Variants in TTC27 observed in about 807,000 individuals in gnomAD.
TTC27 encodes the protein tetratricopeptide repeat domain 27.
A neutral mutation model predicts 115.9 loss-of-function variants in TTC27; 79 were observed. The ratio of observed to expected loss-of-function variants is 0.68; its 90% confidence interval spans 0.57 to 0.82. TTC27 has a LOEUF of 0.82. Ranked by LOEUF, TTC27 falls within the 40% of genes least tolerant of loss-of-function variation. The probability of loss-of-function intolerance (pLI) is 0.00; values close to 1 mark genes in which losing one functional copy is unlikely to be tolerated. For missense variants in TTC27, 1,054 were observed against 993.1 expected, an observed-to-expected ratio of 1.06 and a Z score of -0.82; for synonymous variants, 401 against 356.0, an observed-to-expected ratio of 1.13 and a Z score of -1.42.
In TTC27 at chr2:32,714,189, C is replaced by T. The variant is rs1295226409; in HGVS notation, c.1233+11269C>T. Among the ~76,000 whole-genome samples the T allele has an allele frequency of 1.2e-4, 17 of 140,738 alleles. No homozygotes were observed. The South Asian group carries it at 2.9e-3, about 24-fold the overall frequency. 92.3% of individuals were successfully genotyped at this position (140,738 alleles called of 152,430 possible). ...TTTTTTTTTTTTTGAGATGGAGTCTCGCTCTGTCGCCCAGGCTGGAGTGCA... is the reference window on the plus strand; with the variant it reads ...TTTTTTTTTTTTTGAGATGGAGTCTTGCTCTGTCGCCCAGGCTGGAGTGCA... On this transcript the variant is annotated intron_variant, in intron 10 of 19. Coordinates refer to ENST00000317907, the MANE Select transcript of TTC27 (RefSeq NM_017735.5).
Position 32,820,907 on chromosome 2 carries a change from AC to A in TTC27, c.2503del (p.Leu835Ter). On this transcript the variant is annotated frameshift_variant, in exon 20 of 20. Coordinates refer to ENST00000317907, the MANE Select transcript of TTC27 (RefSeq NM_017735.5). LOFTEE classifies it high-confidence loss of function. ...AMDTLVTELQ[D>X]LSNQFRNQY ...GACACCTTAGTGACAGAGCTCCAAG[AC>A]CTAAGCAACCAGTTTCGAAATCAGT... is the stretch of plus-strand genomic sequence containing the variant. 5.2e-6 allele frequency: 8 copies of A among 1,528,622 alleles called. No homozygotes were observed. Among genetic ancestry groups the A allele is most frequent in the Non-Finnish European group, 7.1e-6 (8 of 1,132,550 alleles). The allele number at this position is 1,528,622 out of a possible 1,614,324, so 94.7% of individuals were successfully genotyped here.
At chr2:32,671,827 C>T (rs1200285044) in intron 7 of TTC27, among the ~76,000 whole-genome samples, 2 of 152,122 alleles carry the variant, frequency 1.3e-5, no homozygotes, top group Non-Finnish European at 2.9e-5. Context: ...AATTTAGAGG[C>T]AGAATAGAAA....
At chr2:32,775,127 C>A (rs897206418) in intron 13 of TTC27, among the ~76,000 whole-genome samples, 31 of 152,166 alleles carry the variant, frequency 2.0e-4, no homozygotes, top group African/African-American at 7.2e-4. Flanking sequence ...ACATTTGCAA[C>A]CCTTGTAAAT....
At chr2:32,782,512 A>C (rs1458803519) in intron 14 of TTC27, 114 bp from the exon 15 acceptor site, 1 of 687,314 alleles carries the variant, frequency 1.5e-6, no homozygotes, top group Non-Finnish European at 2.4e-6. Context: ...CTTATTGAAA[A>C]TTGTGGTTTT....
intron 4 of TTC27, among the ~76,000 whole-genome samples, chr2:32,644,188 A>G (rs1485283381): frequency 1.3e-5 from 2 of 150,236 alleles, no homozygotes; most frequent in African/African-American, 4.9e-5. Context: ...TTCAAAAAAA[A>G]AAAAAAAAAA....
chr2:32,725,367 G>A (rs1668074096), intron 10 of TTC27, among the ~76,000 whole-genome samples: 4 of 152,230 alleles, frequency 2.6e-5, no homozygotes, highest in South Asian at 4.2e-4. Flanking sequence ...AGATGCAATT[G>A]GGGTGCAGGC....
chr2:32,719,466 C>T (rs1230373275), intron 10 of TTC27, among the ~76,000 whole-genome samples: 6 of 152,126 alleles, frequency 3.9e-5, no homozygotes, highest in Middle Eastern at 3.2e-3. Context: ...CCTTTTATGG[C>T]GTTAGACCAG....
intron 5 of TTC27, among the ~76,000 whole-genome samples, chr2:32,659,488 G>A (rs1665454860): frequency 6.6e-6 from 1 of 150,394 alleles, no homozygotes; most frequent in African/African-American, 2.4e-5. Context: ...ATGTTTAACT[G>A]TTGCAGATTC....
intron 16 of TTC27, among the ~76,000 whole-genome samples, chr2:32,794,515 T>A (rs1299540853): frequency 6.6e-6 from 1 of 151,984 alleles, no homozygotes; most frequent in Non-Finnish European, 1.5e-5. Flanking sequence ...TTCAAGTCAA[T>A]AACTTAACTT....
At chr2:32,804,067 A>G (rs1671051814) in intron 16 of TTC27, among the ~76,000 whole-genome samples, 1 of 152,116 alleles carries the variant, frequency 6.6e-6, no homozygotes, top group Non-Finnish European at 1.5e-5. Flanking sequence ...TATTTAGTCA[A>G]TAAACATTTG....
At chr2:32,654,697 ATT>A (rs1202304878) in intron 5 of TTC27, among the ~76,000 whole-genome samples, 13 of 140,190 alleles carry the variant, frequency 9.3e-5, no homozygotes, top group Admixed American at 5.1e-4. Flanking sequence ...TACATGGCTA[ATT>A]TTTTTTTTTT....
chr2:32,773,625 C>T (rs759799058), intron 13 of TTC27, among the ~76,000 whole-genome samples: 1 of 152,162 alleles, frequency 6.6e-6, no homozygotes, highest in Admixed American at 6.5e-5. Flanking sequence ...TCTTTGTCGC[C>T]TCTCTTAGGA....
chr2:32,765,424 T>C (rs530250035), intron 13 of TTC27, among the ~76,000 whole-genome samples: 11 of 151,970 alleles, frequency 7.2e-5, no homozygotes, highest in African/African-American at 2.7e-4. Context: ...AACCGTGCTG[T>C]AAACAGAAGT....
At chr2:32,677,631 A>G (rs145670661) in intron 8 of TTC27, among the ~76,000 whole-genome samples, 182 of 152,116 alleles carry the variant, frequency 1.2e-3, no homozygotes, top group Middle Eastern at 6.8e-3. Flanking sequence ...TTGTATTTTT[A>G]GTAGAGATGT....
rs2063521433 is a variant in TTC27, at chr2:32,628,059, G to A, written c.-234G>A. 2 of 513,836 alleles carry A rather than the reference G, an allele frequency of 3.9e-6. No homozygotes were observed. The highest frequency in any genetic ancestry group is 4.0e-5 in the African/African-American group (2 of 49,510). The allele number at this position is 513,836 out of a possible 1,614,324, so 31.8% of individuals were successfully genotyped here. ...TACTCAAGCTCGGGTTCTTCTCCTA[G>A]GCGGAAGCCAGACCAGAGAGCGTGC... On this transcript the variant is annotated 5_prime_UTR_variant, in exon 1 of 20. Transcript: ENST00000317907.
intron 9 of TTC27, among the ~76,000 whole-genome samples, chr2:32,698,265 A>T (rs541453860): frequency 6.6e-6 from 1 of 151,422 alleles, no homozygotes; most frequent in African/African-American, 2.4e-5. Context: ...GAGTAGTTGG[A>T]ACTACCTGCA....
At chr2:32,726,144 C>T (rs1668102464) in intron 10 of TTC27, among the ~76,000 whole-genome samples, 1 of 152,218 alleles carries the variant, frequency 6.6e-6, no homozygotes, top group Non-Finnish European at 1.5e-5. Flanking sequence ...GCTGTGAAGA[C>T]CCCTTTCGCC....
chr2:32,746,418 C>G (rs1332315755), intron 12 of TTC27, among the ~76,000 whole-genome samples: 1 of 151,778 alleles, frequency 6.6e-6, no homozygotes, highest in Non-Finnish European at 1.5e-5. Context: ...AAAAAATTAG[C>G]CGGGCGTGGC....
chr2:32,743,314 A>C (rs1173876224), intron 12 of TTC27, among the ~76,000 whole-genome samples: 1 of 152,200 alleles, frequency 6.6e-6, no homozygotes, highest in Admixed American at 6.5e-5. Flanking sequence ...TCACTCAAGT[A>C]TGAATAACTT....
Sources: allele counts gnomAD v4.1 joint callset (sites outside exome capture counted in the v4.1 genomes callset), GRCh38; gene constraint gnomAD v4.1.1; transcripts MANE v1.5; gene names NCBI Gene and HGNC (gene_info 2026-07-23, HGNC 2026-07-21).